ANKFY1: variants seen among roughly 807,000 people sequenced by gnomAD.
ANKFY1 encodes the protein ankyrin repeat and FYVE domain containing 1.
Under a neutral mutation model 128.3 loss-of-function variants are expected in ANKFY1, and 47 were observed. That is an observed-to-expected ratio of 0.37 (90% CI 0.29 to 0.47). The LOEUF is 0.47. ANKFY1 is among the 20% of genes least tolerant of loss of function. ANKFY1 has a pLI of 1.00. For missense variants in ANKFY1, 1,222 were observed against 1,510.6 expected (o/e 0.81, Z 3.17); for synonymous variants, 553 against 601.6 (o/e 0.92, Z 1.18).
intron 4 of ANKFY1, among the ~76,000 whole-genome samples, chr17:4,215,990 C>T (rs952811738): frequency 1.1e-4 from 16 of 152,150 alleles, no homozygotes; most frequent in African/African-American, 3.4e-4. Context: ...TTGCTAATAG[C>T]CTAATGCTGT....
intron 7 of ANKFY1, among the ~76,000 whole-genome samples, chr17:4,199,872 C>G (rs1225944560): frequency 6.6e-6 from 1 of 152,148 alleles, no homozygotes; most frequent in Non-Finnish European, 1.5e-5. Context: ...TTAAAACACG[C>G]AAACACCATG....
intron 22 of ANKFY1, among the ~76,000 whole-genome samples, chr17:4,171,631 C>T (rs904244277): frequency 1.3e-5 from 2 of 152,210 alleles, no homozygotes; most frequent in African/African-American, 4.8e-5. Flanking sequence ...CGGAGCCCCT[C>T]CCTGCTGCCT....
intron 11 of ANKFY1, chr17:4,187,005 T>A (rs2059624011): frequency 1.6e-6 from 2 of 1,221,466 alleles, no homozygotes; most frequent in Non-Finnish European, 2.0e-6. Context: ...CTGTTTTTTT[T>A]AAATTCGTAT....
At chr17:4,234,336 T>A (rs1322395069) in intron 3 of ANKFY1, among the ~76,000 whole-genome samples, 14 of 152,098 alleles carry the variant, frequency 9.2e-5, no homozygotes. Context: ...TCTTTGCCCC[T>A]TTTTTTCCAA....
chr17:4,235,902 A>G lies in ANKFY1; in HGVS notation c.204-12T>C, dbSNP rs757973449. Reference sequence around the variant, plus strand: ...TTATCTTCAGATCGCTGATGAAGAAAAAGATCCACATATATTAGAAAAATG... The same window carrying G: ...TTATCTTCAGATCGCTGATGAAGAAGAAGATCCACATATATTAGAAAAATG... On this transcript the variant is annotated splice_polypyrimidine_tract_variant and intron_variant, in intron 2 of 24. Coordinates refer to ENST00000341657, the MANE Select transcript of ANKFY1 (RefSeq NM_001330063.2). 5.7e-6 allele frequency: 9 copies of G among 1,577,102 alleles called. No individual in the cohort carries two copies. The Middle Eastern group carries it at 6.7e-4, about 117-fold the overall frequency.
Position 4,181,759 on chromosome 17 carries a change from A to G in ANKFY1, c.2122-387T>C, listed in dbSNP as rs557507027. On this transcript the variant is annotated intron_variant, in intron 15 of 24. Coordinates refer to ENST00000341657, the MANE Select transcript of ANKFY1 (RefSeq NM_001330063.2). The surrounding 1 kb of genome is among the most constrained non-coding windows in gnomAD (Gnocchi z 4.9). ...ACTAGGTAAAACCTCCAGGTGCACA[A>G]CGCCTTCATATCACACTGCAGGCCC... Among the ~76,000 whole-genome samples, 57 of 152,236 alleles carry G rather than the reference A, an allele frequency of 3.7e-4. No homozygotes were observed. Among genetic ancestry groups the G allele is most frequent in the Non-Finnish European group, 7.2e-4 (49 of 68,040 alleles).
intron 12 of ANKFY1, among the ~76,000 whole-genome samples, chr17:4,184,174 G>C (rs1042380349): frequency 1.3e-5 from 2 of 152,162 alleles, no homozygotes; most frequent in African/African-American, 4.8e-5. Flanking sequence ...AAACACGCTT[G>C]ATTACTAAAA....
intron 2 of ANKFY1, among the ~76,000 whole-genome samples, chr17:4,238,277 T>C (rs1234159152): frequency 6.6e-6 from 1 of 152,090 alleles, no homozygotes; most frequent in Non-Finnish European, 1.5e-5. Flanking sequence ...TATTTAAATC[T>C]TTCAACAAAA....
At chr17:4,230,437 G>C (rs1394501278) in intron 3 of ANKFY1, among the ~76,000 whole-genome samples, 1 of 152,122 alleles carries the variant, frequency 6.6e-6, no homozygotes, top group Non-Finnish European at 1.5e-5. Flanking sequence ...CTCTCATCGT[G>C]TCAGCTGCTA....
chr17:4,200,028 C>T (rs1302227569), intron 7 of ANKFY1, among the ~76,000 whole-genome samples: 1 of 151,456 alleles, frequency 6.6e-6, no homozygotes, highest in Non-Finnish European at 1.5e-5. Flanking sequence ...CAGGTGGCAT[C>T]AATGAGCTCA....
chr17:4,184,823 T>G lies in ANKFY1; in HGVS notation c.1694A>C (p.Gln565Pro). Residue 565 changes from glutamine (Q) to proline (P), a missense_variant, in exon 12 of 25, where the codon CAG becomes CCG. Coordinates refer to ENST00000341657, the MANE Select transcript of ANKFY1 (RefSeq NM_001330063.2). ...CAGTATTCCCACTTACTTACCTTTC[T>G]GCTCCAGGATGACAGACACCACATC... ...HPDVVSVILE[Q>P]KANALHATNN... is the part of the protein sequence containing the mutation. The G allele has an allele frequency of 6.2e-7, 1 of 1,612,950 alleles. No homozygotes were observed. The highest frequency in any genetic ancestry group is 1.3e-5 in the African/African-American group (1 of 75,066).
At position 4,181,245 on chromosome 17, in the gene ANKFY1, C is replaced by T. The variant is rs746606977; in HGVS notation, c.2240+9G>A. 1.2e-5 allele frequency: 20 copies of T among 1,608,726 alleles called. No individual in the cohort carries two copies. The highest frequency in any genetic ancestry group is 1.2e-4 in the South Asian group (11 of 90,960). On this transcript the variant is annotated intron_variant, in intron 16 of 24. Coordinates refer to ENST00000341657, the MANE Select transcript of ANKFY1 (RefSeq NM_001330063.2). The surrounding 1 kb of genome is among the most constrained non-coding windows in gnomAD (Gnocchi z 4.9). ...AAAAGCTGTGGAGAGATACTGGGGA[C>T]TCTCAGACCTGCGAATAAGAAAGCA...
Position 4,170,803 on chromosome 17 carries a change from C to G in ANKFY1, c.3198G>C (p.Ser1066=). Residue 1066 remains serine (S), a synonymous_variant, in exon 23 of 25, where the codon TCG becomes TCC. Coordinates refer to ENST00000341657, the MANE Select transcript of ANKFY1 (RefSeq NM_001330063.2). ...TGTTATTCACCCCGAGGCGAGCCCC[C>G]GACCGGACGATGGCGCGGCACAAGT... The part of the protein sequence containing the change: ...NANLCRAIVR[S]GARLGVNNNQ... The G allele has an allele frequency of 6.2e-7, 1 of 1,614,118 alleles. No individual in the cohort carries two copies. Among genetic ancestry groups the G allele is most frequent in the Non-Finnish European group, 8.5e-7 (1 of 1,180,012 alleles).
rs531761407 is a variant in ANKFY1, at chr17:4,189,654, C to T, written c.1373-175G>A. ...AGGCCCACGCCAGAGAGTAGGCCCA[C>T]GCCAGAGAGTAGGCCCACACCAGAC... On this transcript the variant is annotated intron_variant, in intron 10 of 24. Transcript: ENST00000341657. 4.6e-5 allele frequency among the ~76,000 whole-genome samples: 7 copies of T among 152,244 alleles called. No individual in the cohort carries two copies. The East Asian group carries it at 7.7e-4, about 17-fold the overall frequency.
At chr17:4,196,706 T>G (rs1165716211) in intron 8 of ANKFY1, among the ~76,000 whole-genome samples, 2 of 152,210 alleles carry the variant, frequency 1.3e-5, no homozygotes, top group African/African-American at 2.4e-5. Context: ...CAATTAGAAT[T>G]TTCTAACAAT....
intron 1 of ANKFY1, 179 bp downstream of exon 1, chr17:4,263,753 G>C: frequency 6.6e-7 from 1 of 1,512,800 alleles, no homozygotes; most frequent in Non-Finnish European, 8.8e-7. Flanking sequence ...GTTGTCATAG[G>C]AACCGCGCTC....
chr17:4,248,939 G>T (rs1403685791), intron 1 of ANKFY1, among the ~76,000 whole-genome samples: 1 of 152,170 alleles, frequency 6.6e-6, no homozygotes, highest in Non-Finnish European at 1.5e-5. Context: ...TGCAGTCTAT[G>T]ATCAGACTTT....
chr17:4,202,558 A>G (rs1406646689), intron 7 of ANKFY1, among the ~76,000 whole-genome samples: 4 of 128,292 alleles, frequency 3.1e-5, no homozygotes, highest in Non-Finnish European at 6.6e-5. Flanking sequence ...TTAGCCGGGC[A>G]TGGTGGCGCG....
chr17:4,257,724 CT>C (rs1273329742), intron 1 of ANKFY1, among the ~76,000 whole-genome samples: 1 of 152,228 alleles, frequency 6.6e-6, no homozygotes, highest in African/African-American at 2.4e-5. Flanking sequence ...TTTATCTCCC[CT>C]CCTAGACTTC....
Sources: allele counts gnomAD v4.1 joint callset (sites outside exome capture counted in the v4.1 genomes callset), GRCh38; gene constraint gnomAD v4.1.1; non-coding constraint Gnocchi (gnomAD v3.1); transcripts MANE v1.5; gene names NCBI Gene and HGNC (gene_info 2026-07-23, HGNC 2026-07-21).